TRPM3: variants seen among roughly 807,000 people sequenced by gnomAD.
The protein encoded by TRPM3 is transient receptor potential cation channel subfamily M member 3.
A neutral mutation model predicts 181.2 loss-of-function variants in TRPM3; 77 were observed. The ratio of observed to expected loss-of-function variants is 0.42; its 90% CI spans 0.35 to 0.51. The LOEUF is 0.51. TRPM3 is among the 20% of genes least tolerant of loss of function. The pLI is 0.01. For synonymous variants in TRPM3, 745 were observed against 796.4 expected, an observed-to-expected ratio of 0.94 and a Z score of 1.09; for missense variants, 1,759 against 2,196.7, an observed-to-expected ratio of 0.80 and a Z score of 3.98.
At chr9:70,626,802 T>C (rs929316779) in intron 12 of TRPM3, among the ~76,000 whole-genome samples, 6 of 152,194 alleles carry the variant, frequency 3.9e-5, no homozygotes, top group Admixed American at 6.5e-5. Flanking sequence ...AGGTTTTCAG[T>C]TGTCCTTACT....
chr9:70,591,465 G>A (rs184671203), intron 21 of TRPM3, among the ~76,000 whole-genome samples: 5 of 152,218 alleles, frequency 3.3e-5, no homozygotes, highest in Admixed American at 1.3e-4. Flanking sequence ...TTTCATTGCT[G>A]TCTGTGGGAC....
chr9:71,004,220 T>C (rs2134271600), intron 1 of TRPM3, among the ~76,000 whole-genome samples: 1 of 152,338 alleles, frequency 6.6e-6, no homozygotes, highest in South Asian at 2.1e-4. Context: ...CACAATCCAC[T>C]GAAAGGCTCA....
intron 3 of TRPM3, among the ~76,000 whole-genome samples, chr9:70,848,072 A>G (rs969802086): frequency 6.6e-6 from 1 of 152,234 alleles, no homozygotes; most frequent in Admixed American, 6.5e-5. Context: ...CATTGAAATG[A>G]TAAGATACAG....
chr9:71,265,692 T>C (rs571983926), intron 1 of TRPM3, among the ~76,000 whole-genome samples: 1 of 152,354 alleles, frequency 6.6e-6, no homozygotes, highest in East Asian at 1.9e-4. Context: ...CATAAGCCTA[T>C]TATAAGTGTT....
intron 8 of TRPM3, among the ~76,000 whole-genome samples, chr9:70,693,816 G>A (rs1322444355): frequency 6.6e-6 from 1 of 152,216 alleles, no homozygotes; most frequent in Non-Finnish European, 1.5e-5. Flanking sequence ...TCTAACTTGG[G>A]TGGGGCAACC....
At chr9:70,977,284 G>A (rs553038671) in intron 1 of TRPM3, among the ~76,000 whole-genome samples, 16 of 152,224 alleles carry the variant, frequency 1.1e-4, no homozygotes, top group East Asian at 5.8e-4. Context: ...ACAGGCTCGC[G>A]CCACCATGCC....
chr9:71,098,494 A>C (rs2067709121), intron 1 of TRPM3, among the ~76,000 whole-genome samples: 1 of 152,158 alleles, frequency 6.6e-6, no homozygotes, highest in South Asian at 2.1e-4. Flanking sequence ...AATTTATACA[A>C]TGCTAGTAAG....
At chr9:70,822,368 T>C (rs4418400) in intron 6 of TRPM3, among the ~76,000 whole-genome samples, 148,795 of 152,314 alleles carry the variant, frequency 0.98, 72,794 homozygotes, top group Middle Eastern at 1. Flanking sequence ...CATGCATCAC[T>C]CTTGAAGTGT....
At chr9:71,100,230 A>T (rs996630401) in intron 1 of TRPM3, among the ~76,000 whole-genome samples, 2 of 152,152 alleles carry the variant, frequency 1.3e-5, no homozygotes, top group Non-Finnish European at 2.9e-5. Flanking sequence ...AACTCAGGAA[A>T]ATTTTGTTAG....
intron 1 of TRPM3, among the ~76,000 whole-genome samples, chr9:71,290,337 T>C (rs892577155): frequency 3.3e-5 from 5 of 152,014 alleles, no homozygotes; most frequent in Admixed American, 1.3e-4. Context: ...GATATTAAAA[T>C]TGGCAAAAAA....
chr9:70,590,040 C>A (rs556413394), intron 22 of TRPM3, among the ~76,000 whole-genome samples: 10 of 152,262 alleles, frequency 6.6e-5, no homozygotes, highest in African/African-American at 1.7e-4. Flanking sequence ...AGGGCTCAGA[C>A]GGCTGGCCTG....
At chr9:71,215,935 C>T (rs1215914617) in intron 1 of TRPM3, among the ~76,000 whole-genome samples, 1 of 152,172 alleles carries the variant, frequency 6.6e-6, no homozygotes, top group African/African-American at 2.4e-5. Flanking sequence ...CCCTGGTCGG[C>T]TCACAGCATG....
At chr9:71,162,241 A>C (rs1234902345) in intron 1 of TRPM3, among the ~76,000 whole-genome samples, 1 of 151,732 alleles carries the variant, frequency 6.6e-6, no homozygotes, top group Non-Finnish European at 1.5e-5. Flanking sequence ...AAAAAGAAAA[A>C]AGGAAATAGC....
chr9:70,650,280 A>G (rs1589792545), intron 9 of TRPM3, among the ~76,000 whole-genome samples: 2 of 152,228 alleles, frequency 1.3e-5, no homozygotes, highest in East Asian at 1.9e-4. Context: ...TGCCCATGTA[A>G]CAAACCTGGA....
intron 22 of TRPM3, among the ~76,000 whole-genome samples, chr9:70,578,260 C>A (rs1332323613): frequency 2.1e-5 from 3 of 146,014 alleles, no homozygotes; most frequent in Non-Finnish European, 4.5e-5. Context: ...ATCACTCAGA[C>A]CACTTTCTTT....
At chr9:70,740,478 A>G (rs1261102517) in intron 8 of TRPM3, among the ~76,000 whole-genome samples, 1 of 152,176 alleles carries the variant, frequency 6.6e-6, no homozygotes, top group African/African-American at 2.4e-5. Context: ...AGAAAAAACA[A>G]TCTTAAAATT....
intron 8 of TRPM3, among the ~76,000 whole-genome samples, chr9:70,702,121 G>A (rs1000035167): frequency 3.3e-5 from 1 of 30,536 alleles, no homozygotes; most frequent in African/African-American, 1.4e-4. Context: ...CCTACTGAGA[G>A]AACAACAGGT....
intron 1 of TRPM3, among the ~76,000 whole-genome samples, chr9:71,113,654 T>G (rs2071642613): frequency 6.6e-6 from 1 of 152,182 alleles, no homozygotes; most frequent in Non-Finnish European, 1.5e-5. Flanking sequence ...GCATGATCCC[T>G]TAAAAAATAA....
At chr9:70,822,755 T>C (rs2093279057) in intron 6 of TRPM3, among the ~76,000 whole-genome samples, 1 of 93,368 alleles carries the variant, frequency 1.1e-5, no homozygotes, top group Admixed American at 1.4e-4. Context: ...AACAAAGATT[T>C]GTCTTGTGTG....
Sources: allele counts gnomAD v4.1 joint callset (sites outside exome capture counted in the v4.1 genomes callset), GRCh38; gene constraint gnomAD v4.1.1; transcripts MANE v1.5; gene names NCBI Gene and HGNC (gene_info 2026-07-23, HGNC 2026-07-21).